The following AP1M1 variants were observed in gnomAD, a reference collection of about 807,000 sequenced individuals.
The protein encoded by AP1M1 is adaptor related protein complex 1 subunit mu 1, also known as AP-1 complex subunit mu-1.
A neutral mutation model predicts 57.1 loss-of-function variants in AP1M1; 18 were observed. That is an observed-to-expected ratio of 0.32 (90% confidence interval 0.22 to 0.47). The LOEUF is 0.47. Among genes scored for constraint, AP1M1 ranks in the 20% least tolerant of loss-of-function variants. The probability of loss-of-function intolerance (pLI) is 1.00; values close to 1 mark genes in which losing one functional copy is unlikely to be tolerated. For synonymous variants in AP1M1, 241 were observed against 237.9 expected, an observed-to-expected ratio of 1.01 and a Z score of -0.12; for missense variants, 362 against 593.5, an observed-to-expected ratio of 0.61 and a Z score of 4.05.
chr19:16,242,607 A>G lies in AP1M1; in HGVS notation c.*8172A>G, dbSNP rs2091649352. On this transcript the variant is annotated 3_prime_UTR_variant, in exon 12 of 12. Coordinates refer to ENST00000291439, the MANE Select transcript of AP1M1 (RefSeq NM_032493.4). The stretch of plus-strand genomic sequence containing the variant: ...ATCTAAAATGTAAGTACACAACACA[A>G]TTGAAAGTAAAAAAACATTAAAAGA... The G allele has an allele frequency of 6.6e-6, 1 of 152,236 alleles. No homozygotes were observed. The highest frequency in any genetic ancestry group is 1.5e-5 in the Non-Finnish European group (1 of 68,046). 9.4% of individuals were successfully genotyped at this position (152,236 alleles called of 1,614,324 possible).
In AP1M1 at chr19:16,228,123, G is replaced by A. The variant is rs775785604; in HGVS notation, c.817-14G>A. 1 of 1,613,538 alleles carries A rather than the reference G, an allele frequency of 6.2e-7. No individual in the cohort carries two copies. Among genetic ancestry groups the A allele is most frequent in the South Asian group, 1.1e-5 (1 of 91,080 alleles). On this transcript the variant is annotated splice_polypyrimidine_tract_variant and intron_variant, in intron 7 of 11. Coordinates refer to ENST00000291439, the MANE Select transcript of AP1M1 (RefSeq NM_032493.4). This position sits in a 1 kb window ranked among gnomAD's most constrained non-coding sequence, Gnocchi z 5.0. ...AAGGCCAGGTGTGAGCACCCTCTTT[G>A]CCCTCCTTGGCAGGTCAAGCCTTTG...
chr19:16,207,996 C>G lies in AP1M1; in HGVS notation c.268-23C>G. On this transcript the variant is annotated intron_variant, in intron 3 of 11. Coordinates refer to ENST00000291439, the MANE Select transcript of AP1M1 (RefSeq NM_032493.4). This position sits in a 1 kb window ranked among gnomAD's most constrained non-coding sequence, Gnocchi z 4.2. ...GCTCAATGATCTGCCTCCCATTCCTCCCTCCCTCCCCAACCGCCACAGGTG... is the reference window on the plus strand; with the variant it reads ...GCTCAATGATCTGCCTCCCATTCCTGCCTCCCTCCCCAACCGCCACAGGTG... 6.3e-7 allele frequency: 1 copy of G among 1,595,584 alleles called. No individual in the cohort carries two copies. The highest frequency in any genetic ancestry group is 2.2e-5 in the East Asian group (1 of 44,626).
At chr19:16,220,502 A>G (rs2091539516) in intron 5 of AP1M1, among the ~76,000 whole-genome samples, 2 of 151,770 alleles carry the variant, frequency 1.3e-5, no homozygotes. Flanking sequence ...GCGATTCTCC[A>G]GCCTCAGCCT....
In AP1M1 at chr19:16,203,846, G is replaced by A. The variant is rs914911844; in HGVS notation, c.199+231G>A. ...TGACTTGAACCTCTTCAGCCCAGGG[G>A]CCCAGGAAGGGAAATGACACCCTGG... is the stretch of plus-strand genomic sequence containing the variant. On this transcript the variant is annotated intron_variant, in intron 2 of 11. Transcript: ENST00000291439. The surrounding 1 kb of genome is among the most constrained non-coding windows in gnomAD (Gnocchi z 4.6). Among the ~76,000 whole-genome samples the A allele has an allele frequency of 6.6e-6, 1 of 152,150 alleles. No homozygotes were observed. The highest frequency in any genetic ancestry group is 1.5e-5 in the Non-Finnish European group (1 of 68,014).
Position 16,197,975 on chromosome 19 carries a change from T to TCGCTGCCGCCGCCACCGACCTCGGC in AP1M1, c.-35_-34insACCTCGGCCGCTGCCGCCGCCACCG. 2.8e-6 allele frequency: 4 copies of TCGCTGCCGCCGCCACCGACCTCGGC among 1,451,818 alleles called. No homozygotes were observed. The highest frequency in any genetic ancestry group is 2.8e-6 in the Non-Finnish European group (3 of 1,087,934). 89.9% of individuals were successfully genotyped at this position (1,451,818 alleles called of 1,614,324 possible). A position where few individuals can be genotyped will look rare whatever the true frequency, so the allele number is the denominator to read the frequency against. ...GCTCAACGCCCAGCAGTCCCCACCG[T>TCGCTGCCGCCGCCACCGACCTCGGC]CGCTGCCGCCGCCACCGCCCTCGGC... On this transcript the variant is annotated 5_prime_UTR_variant, in exon 1 of 12. Transcript: ENST00000291439.
Position 16,203,579 on chromosome 19 carries a change from G to A in AP1M1, c.163G>A (p.Val55Ile), listed in dbSNP as rs781205990. Residue 55 changes from valine (V) to isoleucine (I), a missense_variant, in exon 2 of 12, where the codon GTC (valine) becomes ATC (isoleucine). Physicochemically the swap from Val to Ile is conservative, Grantham distance 29 (BLOSUM62 3). Around this residue, in one of 2 missense-constraint regions of AP1M1, gnomAD observed 337 missense variants for 511.1 expected, o/e 0.66. Coordinates refer to ENST00000291439, the MANE Select transcript of AP1M1 (RefSeq NM_032493.4). The surrounding 1 kb of genome is among the most constrained non-coding windows in gnomAD (Gnocchi z 4.6). ...GTCGCCCATCCTGGCCCACGGGGGG[G>A]TCCGTTTCATGTGGATCAAACACAA... ...MLSPILAHGG[V>I]RFMWIKHNNL... 2 of 1,613,838 alleles carry A rather than the reference G, an allele frequency of 1.2e-6. No individual in the cohort carries two copies. The highest frequency in any genetic ancestry group is 1.7e-6 in the Non-Finnish European group (2 of 1,179,864).
At chr19:16,229,067 T>A (rs1250840095) in intron 9 of AP1M1, 139 bp downstream of exon 9, 2 of 1,012,702 alleles carry the variant, frequency 2.0e-6, no homozygotes, top group Admixed American at 2.4e-5. Flanking sequence ...TCTGAAAGGG[T>A]GGACGGAGAG....
In AP1M1 at chr19:16,226,465, C is replaced by T; in HGVS notation, c.591C>T (p.Ser197=). 1 of 1,576,924 alleles carries T rather than the reference C, an allele frequency of 6.3e-7. No individual in the cohort carries two copies. The highest frequency in any genetic ancestry group is 2.3e-5 in the East Asian group (1 of 43,662). The change falls in exon 6 of 12, where the codon TCC becomes TCT. Residue 197 remains serine, a synonymous_variant. Transcript: ENST00000291439. ...GNVLRSEIVG[S]IKMRVFLSGM... Reference sequence around the variant, plus strand: ...TCCTGCGCAGCGAGATCGTGGGCTCCATCAAGATGCGAGTCTTCCTCTCGG... The same window carrying T: ...TCCTGCGCAGCGAGATCGTGGGCTCTATCAAGATGCGAGTCTTCCTCTCGG...
rs180848673 is a variant in AP1M1, at chr19:16,223,780, C to A, written c.547-2641C>A. Among the ~76,000 whole-genome samples, 296 of 152,362 alleles carry A rather than the reference C, an allele frequency of 1.9e-3. 1 individual carries two copies. Among genetic ancestry groups the A allele is most frequent in the African/African-American group, 6.9e-3 (287 of 41,596 alleles). On this transcript the variant is annotated intron_variant, in intron 5 of 11. Transcript: ENST00000291439. ...TCTTCCCTGGTCCACCTGCTGCTGT[C>A]TTCAGTCTTCCGGCAGCTGCCAAGC... is the stretch of plus-strand genomic sequence containing the variant.
intron 9 of AP1M1, among the ~76,000 whole-genome samples, chr19:16,231,287 C>CAAAA (rs1231125818): frequency 2.8e-4 from 32 of 115,134 alleles, no homozygotes; most frequent in Non-Finnish European, 3.9e-4. Flanking sequence ...GACTCTGTCT[C>CAAAA]AAAAAAAAAA....
rs950273234 is a variant in AP1M1 at position 16,234,354 on chromosome 19, G to A, written c.1250-59G>A. ...GCCCCCAGGGTGGAGCCATCGGGTC[G>A]GGTCCCGAAAGCAGGGAGGGTGCAG... On this transcript the variant is annotated intron_variant, in intron 11 of 11. Coordinates refer to ENST00000291439, the MANE Select transcript of AP1M1 (RefSeq NM_032493.4). The A allele has an allele frequency of 7.4e-5, 119 of 1,613,256 alleles. No homozygotes were observed. In the African/African-American group the frequency reaches 1.1e-3, roughly 15 times the overall value.
intron 5 of AP1M1, among the ~76,000 whole-genome samples, chr19:16,213,448 T>C (rs1467389440): frequency 1.3e-5 from 2 of 152,186 alleles, no homozygotes; most frequent in Non-Finnish European, 2.9e-5. Context: ...TAGATTTTTC[T>C]CCATTTCTTC....
Position 16,206,379 on chromosome 19 carries a change from G to T in AP1M1, c.238G>T (p.Val80Phe). 1 of 1,614,102 alleles carries T rather than the reference G, an allele frequency of 6.2e-7. No homozygotes were observed. The highest frequency in any genetic ancestry group is 8.5e-7 in the Non-Finnish European group (1 of 1,180,000). The change falls in exon 3 of 12, where the codon GTC (valine) becomes TTC (phenylalanine). Residue 80 changes from valine (V) to phenylalanine (F), a missense_variant. Around this residue, in one of 2 missense-constraint regions of AP1M1, gnomAD observed 337 missense variants for 511.1 expected, o/e 0.66. Transcript: ENST00000291439. The surrounding 1 kb of genome is among the most constrained non-coding windows in gnomAD (Gnocchi z 4.3). ...TSKKNACVSL[V>F]FSFLYKVVQV... ...CAAGAAGAACGCGTGCGTGTCGCTG[G>T]TCTTTTCTTTCCTCTATAAGGTGGT...
At chr19:16,198,158 T>A in intron 1 of AP1M1, 90 bp downstream of exon 1, 2 of 1,457,744 alleles carry the variant, frequency 1.4e-6, no homozygotes, top group Non-Finnish European at 1.9e-6. Flanking sequence ...GTAACCGGCT[T>A]ATGAGCCCCA....
rs1442796293 is a variant in AP1M1, at chr19:16,237,756, C to G, written c.*3321C>G. ...TCTCAAAAGAAAAAAAAAAGGCAAA[C>G]GTTCAACCATGTAGCTATTCAGGAA... On this transcript the variant is annotated 3_prime_UTR_variant, in exon 12 of 12. Transcript: ENST00000291439. The G allele has an allele frequency of 4.0e-5, 6 of 151,756 alleles. No individual in the cohort carries two copies. The allele number at this position is 151,756 out of a possible 1,614,324, so 9.4% of individuals were successfully genotyped here. A position where few individuals can be genotyped will look rare whatever the true frequency, so the allele number is the denominator to read the frequency against.
chr19:16,232,927 C>T (rs531560287), intron 9 of AP1M1, among the ~76,000 whole-genome samples: 28 of 152,334 alleles, frequency 1.8e-4, no homozygotes, highest in African/African-American at 6.5e-4. Context: ...CACAGCCACC[C>T]CCTGCTCACC....
In AP1M1 at chr19:16,206,477, A is replaced by T. The variant is rs561896594; in HGVS notation, c.267+69A>T. ...CTTGGCTCTGCTTGTGGACCTCCCC[A>T]TACCTGGCCACCCTACAGAGAGCTG... On this transcript the variant is annotated intron_variant, in intron 3 of 11. Transcript: ENST00000291439. This position sits in a 1 kb window ranked among gnomAD's most constrained non-coding sequence, Gnocchi z 4.3. 1 of 1,518,156 alleles carries T rather than the reference A, an allele frequency of 6.6e-7. No individual in the cohort carries two copies. Among genetic ancestry groups the T allele is most frequent in the Admixed American group, 1.7e-5 (1 of 59,616 alleles). The allele number at this position is 1,518,156 out of a possible 1,614,324, so 94.0% of individuals were successfully genotyped here. A position where few individuals can be genotyped will look rare whatever the true frequency, so the allele number is the denominator to read the frequency against.
At chr19:16,205,944 T>C (rs1019746636) in intron 2 of AP1M1, among the ~76,000 whole-genome samples, 5 of 152,180 alleles carry the variant, frequency 3.3e-5, no homozygotes, top group Admixed American at 3.3e-4. Flanking sequence ...CGGGGGACCC[T>C]GGACCTCAGC....
chr19:16,230,706 G>A lies in AP1M1; in HGVS notation c.1047+1778G>A, dbSNP rs935444332. Among the ~76,000 whole-genome samples, 99 of 152,168 alleles carry A rather than the reference G, an allele frequency of 6.5e-4. 1 individual carries two copies. The highest frequency in any genetic ancestry group is 3.4e-3 in the Middle Eastern group (1 of 294). ...GGGCCACCGTGCCCGGCTGGTAAAC[G>A]TAACTTTTACATGCACTGGGAAACC... On this transcript the variant is annotated intron_variant, in intron 9 of 11. Coordinates refer to ENST00000291439, the MANE Select transcript of AP1M1 (RefSeq NM_032493.4).
Sources: allele counts gnomAD v4.1 joint callset (sites outside exome capture counted in the v4.1 genomes callset), GRCh38; gene constraint gnomAD v4.1.1; regional missense constraint gnomAD v4.1.1; non-coding constraint Gnocchi (gnomAD v3.1); transcripts MANE v1.5; gene names NCBI Gene and HGNC (gene_info 2026-07-23, HGNC 2026-07-21).